The following FSIP1 variants were observed in gnomAD, a reference collection of about 807,000 sequenced individuals.
FSIP1 encodes the protein fibrous sheath-interacting protein 1.
FSIP1 carries 65 observed loss-of-function variants against 60.9 expected under a neutral mutation model. That is an observed-to-expected ratio of 1.07 (90% CI 0.87 to 1.31). The LOEUF (loss-of-function observed/expected upper bound fraction) is 1.31, where lower values mean the gene tolerates loss of function less well. Among genes scored for constraint, FSIP1 ranks in the 40% most tolerant of loss-of-function variants. FSIP1 has a pLI of 0.00. For synonymous variants in FSIP1, 209 were observed against 221.2 expected (o/e 0.94, Z 0.49); for missense variants, 675 against 665.5 (o/e 1.01, Z -0.16).
intron 10 of FSIP1, among the ~76,000 whole-genome samples, chr15:39,632,061 G>A (rs748969492): frequency 6.6e-6 from 1 of 152,158 alleles, no homozygotes; most frequent in Non-Finnish European, 1.5e-5. Context: ...AAAGACTGAC[G>A]AGTACAATAG....
chr15:39,679,275 C>A (rs1894065400), intron 10 of FSIP1, among the ~76,000 whole-genome samples: 1 of 152,152 alleles, frequency 6.6e-6, no homozygotes, highest in African/African-American at 2.4e-5. Context: ...CCCTGAATAT[C>A]TTAAAATCTA....
chr15:39,709,031 G>C (rs764908198), intron 10 of FSIP1, among the ~76,000 whole-genome samples: 11 of 152,154 alleles, frequency 7.2e-5, no homozygotes, highest in Non-Finnish European at 1.2e-4. Flanking sequence ...TCCTCAACCA[G>C]TCTTGACCAA....
At chr15:39,769,235 C>T (rs1247086225) in intron 3 of FSIP1, among the ~76,000 whole-genome samples, 5 of 150,088 alleles carry the variant, frequency 3.3e-5, no homozygotes, top group African/African-American at 4.9e-5. Context: ...GCCGAGATCG[C>T]GCCACTGCAC....
intron 5 of FSIP1, among the ~76,000 whole-genome samples, chr15:39,753,369 C>T (rs918465072): frequency 1.3e-5 from 2 of 152,004 alleles, no homozygotes; most frequent in Admixed American, 6.6e-5. Context: ...ACACATACAT[C>T]GACTCTCCAC....
At chr15:39,626,401 C>T (rs780772262) in intron 10 of FSIP1, among the ~76,000 whole-genome samples, 3 of 152,166 alleles carry the variant, frequency 2.0e-5, no homozygotes, top group Non-Finnish European at 4.4e-5. Flanking sequence ...AAACCCTCCA[C>T]CTTGTACTGG....
intron 10 of FSIP1, among the ~76,000 whole-genome samples, chr15:39,638,234 CT>C (rs543447529): frequency 7.9e-5 from 12 of 152,182 alleles, no homozygotes; most frequent in Non-Finnish European, 1.0e-4. Context: ...CAGAAAAATT[CT>C]TATAATAACC....
rs914633829 is a variant in FSIP1 at position 39,600,734 on chromosome 15, A to C, written c.*146T>G. On this transcript the variant is annotated 3_prime_UTR_variant, in exon 12 of 12. Coordinates refer to ENST00000350221, the MANE Select transcript of FSIP1 (RefSeq NM_152597.5). ...CCCAAGTCTCAAAAATATCAAGGAAATATAATCCACAAAGAGCGACTCCAA... is the reference window on the plus strand; with the variant it reads ...CCCAAGTCTCAAAAATATCAAGGAACTATAATCCACAAAGAGCGACTCCAA... 5.2e-6 allele frequency: 3 copies of C among 579,992 alleles called. No individual in the cohort carries two copies. Among genetic ancestry groups the C allele is most frequent in the Non-Finnish European group, 8.9e-6 (3 of 338,384 alleles). 35.9% of individuals were successfully genotyped at this position (579,992 alleles called of 1,614,324 possible).
At chr15:39,682,007 C>T (rs1894183764) in intron 10 of FSIP1, among the ~76,000 whole-genome samples, 1 of 151,922 alleles carries the variant, frequency 6.6e-6, no homozygotes, top group Non-Finnish European at 1.5e-5. Flanking sequence ...AATGTTGGGG[C>T]CCAGTTGCAA....
chr15:39,625,079 A>T (rs1021100162), intron 10 of FSIP1, among the ~76,000 whole-genome samples: 2 of 152,174 alleles, frequency 1.3e-5, no homozygotes. Flanking sequence ...GTCACCGTGC[A>T]GAATCAGACC....
chr15:39,615,426 A>C (rs1363027670), intron 11 of FSIP1, among the ~76,000 whole-genome samples: 2 of 149,990 alleles, frequency 1.3e-5, no homozygotes, highest in Admixed American at 6.6e-5. Context: ...AAAAAAAAAA[A>C]AAAAATTAAA....
chr15:39,744,694 G>A (rs1896926668), intron 5 of FSIP1, among the ~76,000 whole-genome samples: 1 of 136,122 alleles, frequency 7.3e-6, no homozygotes, highest in Non-Finnish European at 1.7e-5. Context: ...CAAAGGCAGT[G>A]TGGCATGCTT....
intron 10 of FSIP1, among the ~76,000 whole-genome samples, chr15:39,665,283 G>A (rs1216013310): frequency 3.3e-5 from 5 of 152,180 alleles, no homozygotes; most frequent in African/African-American, 9.6e-5. Flanking sequence ...CTTATTTATC[G>A]GTTATTAGAT....
intron 10 of FSIP1, among the ~76,000 whole-genome samples, chr15:39,677,798 C>G (rs1010467257): frequency 6.6e-6 from 1 of 152,046 alleles, no homozygotes; most frequent in Non-Finnish European, 1.5e-5. Flanking sequence ...GAGATGGAGA[C>G]CATCCTGGCC....
At chr15:39,654,798 C>A (rs542333137) in intron 10 of FSIP1, among the ~76,000 whole-genome samples, 1 of 152,148 alleles carries the variant, frequency 6.6e-6, no homozygotes, top group Non-Finnish European at 1.5e-5. Flanking sequence ...CAAAATTCTG[C>A]GACCCCAAGT....
intron 5 of FSIP1, among the ~76,000 whole-genome samples, chr15:39,756,611 A>T (rs897198998): frequency 4.6e-5 from 7 of 152,130 alleles, no homozygotes; most frequent in African/African-American, 1.4e-4. Context: ...CGCTGGGATT[A>T]CATGCATGAA....
chr15:39,628,550 T>A (rs1276468528), intron 10 of FSIP1, among the ~76,000 whole-genome samples: 1 of 152,150 alleles, frequency 6.6e-6, no homozygotes, highest in Non-Finnish European at 1.5e-5. Flanking sequence ...TTCCTTCACA[T>A]CTTAGACGCA....
At chr15:39,611,245 G>T (rs1874170624) in intron 11 of FSIP1, among the ~76,000 whole-genome samples, 1 of 152,160 alleles carries the variant, frequency 6.6e-6, no homozygotes, top group Non-Finnish European at 1.5e-5. Flanking sequence ...GGGCGTTAAA[G>T]TATTGAGATT....
intron 1 of FSIP1, among the ~76,000 whole-genome samples, chr15:39,778,758 A>G (rs902518521): frequency 3.3e-5 from 5 of 152,258 alleles, no homozygotes; most frequent in African/African-American, 1.2e-4. Flanking sequence ...ATCTGTTACC[A>G]CAGGAAATCA....
In FSIP1 at chr15:39,635,333, C is replaced by CA. The variant is rs996803121; in HGVS notation, c.1189-17089dup. 3.6e-3 allele frequency among the ~76,000 whole-genome samples: 429 copies of CA among 119,622 alleles called. 4 individuals carry two copies. Among genetic ancestry groups the CA allele is most frequent in the South Asian group, 0.024 (91 of 3,794 alleles). The allele number at this position is 119,622 out of a possible 152,430, so 78.5% of individuals were successfully genotyped here. On this transcript the variant is annotated intron_variant, in intron 10 of 11. Coordinates refer to ENST00000350221, the MANE Select transcript of FSIP1 (RefSeq NM_152597.5). ...CTGGCGACAGAGAGAGACTCTGTCT[C>CA]AAAAAAAAAAAAAATCCATTTGCCA...
Sources: gnomAD v4.1 joint callset for allele counts (sites outside exome capture counted in the v4.1 genomes callset) on GRCh38, gnomAD v4.1.1 for gene constraint, MANE v1.5 for transcripts, NCBI Gene and HGNC (gene_info 2026-07-23, HGNC 2026-07-21) for gene names.